STXBP5L: variants seen among roughly 807,000 people sequenced by gnomAD.
The protein encoded by STXBP5L is syntaxin-binding protein 5-like.
A neutral mutation model predicts 144.5 loss-of-function variants in STXBP5L; 65 were observed. The observed-to-expected ratio is 0.45, with a 90% CI of 0.37 to 0.55. STXBP5L has a LOEUF of 0.55. STXBP5L is among the 20% of genes least tolerant of loss of function. The pLI, the probability that STXBP5L is intolerant of heterozygous loss-of-function variation, is 0.00. For synonymous variants in STXBP5L, 505 were observed against 469.6 expected (o/e 1.08, Z -0.97); for missense variants, 1,298 against 1,405.5 (o/e 0.92, Z 1.22).
At chr3:121,176,806 T>A (rs2046955966) in intron 9 of STXBP5L, among the ~76,000 whole-genome samples, 1 of 151,680 alleles carries the variant, frequency 6.6e-6, no homozygotes, top group African/African-American at 2.4e-5. Context: ...GAAGGAGTTT[T>A]TTTAAAAAAA....
chr3:121,379,159 C>T (rs2046266951), intron 21 of STXBP5L, among the ~76,000 whole-genome samples: 1 of 152,110 alleles, frequency 6.6e-6, no homozygotes, highest in Non-Finnish European at 1.5e-5. Flanking sequence ...CTGTTCCCTA[C>T]CCTTCCCATA....
At chr3:121,019,747 T>C (rs893483518) in intron 3 of STXBP5L, among the ~76,000 whole-genome samples, 2 of 152,098 alleles carry the variant, frequency 1.3e-5, no homozygotes, top group Non-Finnish European at 2.9e-5. Flanking sequence ...AAGGGATCAC[T>C]CCATGGGACA....
intron 3 of STXBP5L, among the ~76,000 whole-genome samples, chr3:120,978,988 G>T (rs998474126): frequency 2.0e-5 from 3 of 152,136 alleles, no homozygotes; most frequent in East Asian, 1.9e-4. Context: ...CTGCTTGGGG[G>T]TCAGGGGTCA....
chr3:120,910,407 G>A (rs1421509875), intron 2 of STXBP5L, among the ~76,000 whole-genome samples: 1 of 152,148 alleles, frequency 6.6e-6, no homozygotes, highest in East Asian at 1.9e-4. Flanking sequence ...AGAGTTTCTG[G>A]TAGGTAGAGA....
intron 9 of STXBP5L, among the ~76,000 whole-genome samples, chr3:121,183,736 A>G (rs1337479089): frequency 6.6e-6 from 1 of 152,110 alleles, no homozygotes; most frequent in South Asian, 2.1e-4. Flanking sequence ...AGTCTCCTCA[A>G]GTAGGTCCCT....
At chr3:121,372,224 G>T (rs1362205567) in intron 20 of STXBP5L, among the ~76,000 whole-genome samples, 1 of 152,164 alleles carries the variant, frequency 6.6e-6, no homozygotes, top group Non-Finnish European at 1.5e-5. Context: ...CAGGCTGGGG[G>T]CCTGGGAGAG....
chr3:121,000,667 C>G (rs981708085), intron 3 of STXBP5L, among the ~76,000 whole-genome samples: 2 of 152,194 alleles, frequency 1.3e-5, no homozygotes, highest in Non-Finnish European at 2.9e-5. Flanking sequence ...CTAATATGGT[C>G]ATTTGGAGGT....
intron 10 of STXBP5L, among the ~76,000 whole-genome samples, chr3:121,214,673 A>G (rs1251806268): frequency 6.6e-6 from 1 of 152,170 alleles, no homozygotes; most frequent in Non-Finnish European, 1.5e-5. Context: ...AGAAGAATGT[A>G]TATTCTGTTG....
intron 5 of STXBP5L, among the ~76,000 whole-genome samples, chr3:121,066,520 T>G (rs1192970658): frequency 1.3e-5 from 2 of 152,074 alleles, no homozygotes; most frequent in Non-Finnish European, 2.9e-5. Flanking sequence ...CATCAGTTGA[T>G]CTTTAAATGT....
intron 3 of STXBP5L, among the ~76,000 whole-genome samples, chr3:121,001,912 A>C (rs1943811093): frequency 6.6e-6 from 1 of 152,120 alleles, no homozygotes; most frequent in Non-Finnish European, 1.5e-5. Context: ...AGGCCGAATA[A>C]TATTCTATTG....
chr3:121,139,417 A>G (rs181349853), intron 7 of STXBP5L, among the ~76,000 whole-genome samples: 112 of 152,196 alleles, frequency 7.4e-4, no homozygotes, highest in Middle Eastern at 3.4e-3. Context: ...TAAAAACCCT[A>G]TGAGAGGAGT....
intron 23 of STXBP5L, among the ~76,000 whole-genome samples, chr3:121,409,699 C>T (rs972523427): frequency 2.0e-5 from 3 of 151,888 alleles, no homozygotes; most frequent in Admixed American, 1.3e-4. Context: ...AATGTCAATG[C>T]CCATAAATAA....
At chr3:120,921,707 C>T (rs1709366340) in intron 2 of STXBP5L, among the ~76,000 whole-genome samples, 2 of 151,942 alleles carry the variant, frequency 1.3e-5, no homozygotes, top group South Asian at 4.1e-4. Flanking sequence ...GTTTTCCCAG[C>T]ACCATTTGTT....
At chr3:121,056,375 G>T (rs1920550) in intron 5 of STXBP5L, among the ~76,000 whole-genome samples, 2,942 of 152,014 alleles carry the variant, frequency 0.019, 91 homozygotes, top group African/African-American at 0.066. Flanking sequence ...TAAATTATCT[G>T]TACTTATTAT....
At chr3:121,379,794 A>G (rs2046281861) in intron 21 of STXBP5L, among the ~76,000 whole-genome samples, 1 of 152,156 alleles carries the variant, frequency 6.6e-6, no homozygotes, top group Non-Finnish European at 1.5e-5. Flanking sequence ...ATGTTATAAA[A>G]GAAGCAATAT....
chr3:121,146,946 A>C (rs2045734266), intron 7 of STXBP5L, among the ~76,000 whole-genome samples: 1 of 152,080 alleles, frequency 6.6e-6, no homozygotes, highest in Non-Finnish European at 1.5e-5. Flanking sequence ...TGATAGAACT[A>C]AAAATATTTT....
At chr3:121,094,225 G>A (rs1057221829) in intron 5 of STXBP5L, among the ~76,000 whole-genome samples, 1 of 152,118 alleles carries the variant, frequency 6.6e-6, no homozygotes, top group Non-Finnish European at 1.5e-5. Context: ...GTGTGATGTG[G>A]TGCTGAAAAA....
chr3:121,356,666 C>T (rs2045525586), intron 20 of STXBP5L, among the ~76,000 whole-genome samples: 1 of 152,176 alleles, frequency 6.6e-6, no homozygotes, highest in African/African-American at 2.4e-5. Flanking sequence ...AATGCCCTGC[C>T]CTGCTTCAGC....
intron 7 of STXBP5L, among the ~76,000 whole-genome samples, chr3:121,126,329 T>G (rs961492256): frequency 2.0e-5 from 3 of 152,194 alleles, no homozygotes; most frequent in Admixed American, 6.5e-5. Flanking sequence ...GCAGTTGGGA[T>G]GCAAAGCCTA....
Sources: gnomAD v4.1 joint callset for allele counts (sites outside exome capture counted in the v4.1 genomes callset) on GRCh38, gnomAD v4.1.1 for gene constraint, MANE v1.5 for transcripts, NCBI Gene and HGNC (gene_info 2026-07-23, HGNC 2026-07-21) for gene names.